The following PARD3B variants were observed in gnomAD, a reference collection of about 807,000 sequenced individuals.
The protein encoded by PARD3B is par-3 family cell polarity regulator beta, also known as partitioning defective 3 homolog B.
A neutral mutation model predicts 130.2 loss-of-function variants in PARD3B; 103 were observed. That is an observed-to-expected ratio of 0.79 (90% CI 0.67 to 0.93). The LOEUF (loss-of-function observed/expected upper bound fraction) is 0.93, where lower values mean the gene tolerates loss of function less well. PARD3B is among the 40% of genes least tolerant of loss of function. PARD3B has a pLI of 0.00. For missense variants in PARD3B, 1,609 were observed against 1,499.2 expected, an observed-to-expected ratio of 1.07 and a Z score of -1.21; for synonymous variants, 583 against 553.2, an observed-to-expected ratio of 1.05 and a Z score of -0.76.
chr2:204,932,751 T>C (rs1575343774), intron 2 of PARD3B, among the ~76,000 whole-genome samples: 2 of 152,280 alleles, frequency 1.3e-5, no homozygotes, highest in East Asian at 3.9e-4. Flanking sequence ...AAAAGGTAGA[T>C]TAAATAAACA....
intron 18 of PARD3B, among the ~76,000 whole-genome samples, chr2:205,393,155 C>G (rs143538863): frequency 2.0e-5 from 3 of 152,100 alleles, no homozygotes; most frequent in Admixed American, 6.5e-5. Flanking sequence ...TCAGCATATG[C>G]GTATGCTAAT....
At chr2:204,896,457 C>T (rs765509396) in intron 2 of PARD3B, among the ~76,000 whole-genome samples, 1 of 151,988 alleles carries the variant, frequency 6.6e-6, no homozygotes, top group Non-Finnish European at 1.5e-5. Context: ...GGTGGCACCT[C>T]GGACATGTTT....
intron 2 of PARD3B, among the ~76,000 whole-genome samples, chr2:204,941,707 A>G (rs1014385360): frequency 2.4e-4 from 37 of 152,164 alleles, no homozygotes; most frequent in Middle Eastern, 3.2e-3. Context: ...TCTTACTTCA[A>G]TGGCATTTTT....
At position 204,965,342 on chromosome 2, in the gene PARD3B, A is replaced by C; in HGVS notation, c.394+19A>C. 1.2e-6 allele frequency: 2 copies of C among 1,609,340 alleles called. No homozygotes were observed. The highest frequency in any genetic ancestry group is 1.7e-6 in the Non-Finnish European group (2 of 1,177,228). ...AAACTAGGTATGTGTAATGTTTATG[A>C]TATTCTTTTCACCTGACTGAAGATC... On this transcript the variant is annotated intron_variant, in intron 3 of 22. Transcript: ENST00000406610.
chr2:205,281,449 A>G lies in PARD3B; in HGVS notation c.2186-19081A>G, dbSNP rs1318219680. Among the ~76,000 whole-genome samples the G allele has an allele frequency of 2.0e-5, 3 of 152,190 alleles. No individual in the cohort carries two copies. Among genetic ancestry groups the G allele is most frequent in the Non-Finnish European group, 4.4e-5 (3 of 68,020 alleles). ...AAAGTTCTCTGAAAACGAAGTTGAA[A>G]GAAAGAGACCTTGTTCCAGTGAACA... is the stretch of plus-strand genomic sequence containing the variant. On this transcript the variant is annotated intron_variant, in intron 16 of 22. Transcript: ENST00000406610. The surrounding 1 kb of genome is among the most constrained non-coding windows in gnomAD (Gnocchi z 4.2).
chr2:204,798,163 C>G (rs2042438803), intron 2 of PARD3B, among the ~76,000 whole-genome samples: 1 of 152,160 alleles, frequency 6.6e-6, no homozygotes, highest in African/African-American at 2.4e-5. Context: ...GAAGGACAGT[C>G]TTGAATTGCC....
chr2:205,022,367 G>A (rs559301923), intron 3 of PARD3B, among the ~76,000 whole-genome samples: 74 of 152,268 alleles, frequency 4.9e-4, no homozygotes, highest in Middle Eastern at 3.4e-3. Context: ...ATGATCTTTA[G>A]AAATGTATTT....
chr2:205,093,369 G>A (rs1023499636), intron 4 of PARD3B, among the ~76,000 whole-genome samples: 10 of 152,084 alleles, frequency 6.6e-5, no homozygotes, highest in Non-Finnish European at 1.5e-4. Context: ...TCAGAACCAA[G>A]CAAGGCAGAC....
chr2:204,895,435 C>G (rs1298215437), intron 2 of PARD3B, among the ~76,000 whole-genome samples: 4 of 151,942 alleles, frequency 2.6e-5, no homozygotes, highest in Non-Finnish European at 4.4e-5. Context: ...GATGTTATAA[C>G]CCAGCCAAAG....
At chr2:204,648,649 T>TATAATATATTTATAATATATATCATATAA (rs1559028868) in intron 1 of PARD3B, among the ~76,000 whole-genome samples, 1 of 115,852 alleles carries the variant, frequency 8.6e-6, no homozygotes, top group African/African-American at 3.5e-5. Flanking sequence ...ATATTATATA[T>TATAATATATTTATAATATATATCATATAA]ATAATATATT....
chr2:204,595,235 C>T (rs551369685), intron 1 of PARD3B, among the ~76,000 whole-genome samples: 1 of 152,314 alleles, frequency 6.6e-6, no homozygotes, highest in African/African-American at 2.4e-5. Context: ...TCTACTCCAT[C>T]CTCTGTCCCA....
intron 2 of PARD3B, among the ~76,000 whole-genome samples, chr2:204,892,453 C>A (rs1386397820): frequency 6.6e-6 from 1 of 152,166 alleles, no homozygotes; most frequent in Non-Finnish European, 1.5e-5. Flanking sequence ...AGTATGGTAG[C>A]CGCTAGTCAT....
In PARD3B at chr2:205,023,452, CTTT is replaced by C. The variant is rs11319827; in HGVS notation, c.395-24110_395-24108del. On this transcript the variant is annotated intron_variant, in intron 3 of 22. Transcript: ENST00000406610. ...TTTGCATCTTTCTTCATGCCCACAC[CTTT>C]TTTTTTTTTTTTTTTTTTGGTAAAG... Among the ~76,000 whole-genome samples, 129 of 88,716 alleles carry C rather than the reference CTTT, an allele frequency of 1.5e-3. 2 individuals are homozygous for C. The East Asian group carries it at 0.015, about 10-fold the overall frequency. The allele number at this position is 88,716 out of a possible 152,430, so 58.2% of individuals were successfully genotyped here.
intron 18 of PARD3B, among the ~76,000 whole-genome samples, chr2:205,318,219 A>G (rs2042626728): frequency 6.6e-6 from 1 of 152,166 alleles, no homozygotes; most frequent in Non-Finnish European, 1.5e-5. Flanking sequence ...TAAAAAATCA[A>G]TATCATAGAT....
intron 22 of PARD3B, among the ~76,000 whole-genome samples, chr2:205,608,803 A>G (rs1036247513): frequency 1.3e-5 from 2 of 152,242 alleles, no homozygotes; most frequent in Non-Finnish European, 2.9e-5. Flanking sequence ...TTAAAAAAAA[A>G]GAAGGAATTA....
At chr2:204,966,630 C>T (rs894289903) in intron 3 of PARD3B, among the ~76,000 whole-genome samples, 10 of 152,050 alleles carry the variant, frequency 6.6e-5, no homozygotes, top group South Asian at 2.1e-4. Context: ...ACTTCTGTGC[C>T]GGAGAATTTG....
intron 13 of PARD3B, among the ~76,000 whole-genome samples, chr2:205,182,009 G>C (rs1012594942): frequency 2.0e-4 from 30 of 152,180 alleles, no homozygotes; most frequent in Admixed American, 2.0e-3. Context: ...AATGTAACAA[G>C]GGGCCGGGTG....
At chr2:204,765,408 G>A (rs1339824510) in intron 2 of PARD3B, among the ~76,000 whole-genome samples, 3 of 152,134 alleles carry the variant, frequency 2.0e-5, no homozygotes, top group African/African-American at 2.4e-5. Flanking sequence ...AGTGGAAGAC[G>A]TGGTGTTCCC....
chr2:204,948,634 A>G (rs6718708), intron 2 of PARD3B, among the ~76,000 whole-genome samples: 4,701 of 152,298 alleles, frequency 0.031, 95 homozygotes, highest in African/African-American at 0.054. Flanking sequence ...ACTCTTCTCC[A>G]GTTCCCCAGT....
Sources: gnomAD v4.1 joint callset for allele counts (sites outside exome capture counted in the v4.1 genomes callset) on GRCh38, gnomAD v4.1.1 for gene constraint, Gnocchi (gnomAD v3.1) non-coding constraint, MANE v1.5 for transcripts, NCBI Gene and HGNC (gene_info 2026-07-23, HGNC 2026-07-21) for gene names.